EEA1: variants seen among roughly 807,000 people sequenced by gnomAD.
The protein encoded by EEA1 is early endosome antigen 1, also known as early endosome antigen 1, 162kD.
Under a neutral mutation model 209.2 loss-of-function variants are expected in EEA1, and 111 were observed. The observed-to-expected ratio is 0.53, with a 90% CI of 0.45 to 0.62. The LOEUF (loss-of-function observed/expected upper bound fraction) is 0.62. EEA1 is among the 20% of genes least tolerant of loss of function. The pLI, the probability that EEA1 is intolerant of heterozygous loss-of-function variation, is 0.00. For synonymous variants in EEA1, 536 were observed against 540.6 expected (o/e 0.99, Z 0.12); for missense variants, 1,343 against 1,530.8 (o/e 0.88, Z 2.05).
intron 21 of EEA1, 123 bp downstream of exon 21, chr12:92,798,769 A>G (rs1874764450): frequency 1.6e-6 from 1 of 624,814 alleles, no homozygotes; most frequent in Admixed American, 3.6e-5. Context: ...TATTAAACTT[A>G]GAAAAAAATT....
At chr12:92,812,611 T>C (rs1274684059) in intron 16 of EEA1, among the ~76,000 whole-genome samples, 1 of 152,134 alleles carries the variant, frequency 6.6e-6, no homozygotes, top group African/African-American at 2.4e-5. Context: ...CCAGTCTACC[T>C]ACTAAAAACA....
chr12:92,887,320 C>G (rs1879457553), intron 2 of EEA1, among the ~76,000 whole-genome samples: 1 of 144,510 alleles, frequency 6.9e-6, no homozygotes, highest in Non-Finnish European at 1.5e-5. Flanking sequence ...GATGGAGACC[C>G]CATCTCAAAA....
At chr12:92,844,696 T>A (rs1355428291) in intron 9 of EEA1, among the ~76,000 whole-genome samples, 1 of 152,090 alleles carries the variant, frequency 6.6e-6, no homozygotes, top group Non-Finnish European at 1.5e-5. Context: ...TATGTTTTAA[T>A]CATATAGCAA....
chr12:92,909,059 C>T (rs2136774548), intron 1 of EEA1, among the ~76,000 whole-genome samples: 1 of 152,316 alleles, frequency 6.6e-6, no homozygotes, highest in East Asian at 1.9e-4. Flanking sequence ...ATCTGCCTGC[C>T]TCGGCCTCCC....
At chr12:92,824,237 A>G (rs1036344504) in intron 13 of EEA1, among the ~76,000 whole-genome samples, 3 of 152,196 alleles carry the variant, frequency 2.0e-5, no homozygotes, top group Non-Finnish European at 4.4e-5. Context: ...AAGCATAACT[A>G]GAATCTGACT....
intron 2 of EEA1, among the ~76,000 whole-genome samples, chr12:92,877,704 G>A (rs1383799821): frequency 6.6e-6 from 1 of 151,862 alleles, no homozygotes; most frequent in Non-Finnish European, 1.5e-5. Flanking sequence ...GTAGAGATGG[G>A]GTTTCACCAT....
At chr12:92,929,012 T>A (rs1275317769) in intron 1 of EEA1, 31 bp downstream of exon 1, 4 of 1,581,234 alleles carry the variant, frequency 2.5e-6, no homozygotes. Flanking sequence ...CCCGCTCACG[T>A]GCTGCCAGAA....
chr12:92,875,018 T>C (rs1878821390), intron 2 of EEA1, among the ~76,000 whole-genome samples: 1 of 152,158 alleles, frequency 6.6e-6, no homozygotes, highest in Admixed American at 6.5e-5. Flanking sequence ...TTAAGTAATA[T>C]ACGATTTTTT....
At chr12:92,877,095 T>C (rs947306485) in intron 2 of EEA1, among the ~76,000 whole-genome samples, 2 of 151,124 alleles carry the variant, frequency 1.3e-5, no homozygotes, top group Non-Finnish European at 3.0e-5. Context: ...AGGCATGTGC[T>C]GTCATGTCCA....
intron 21 of EEA1, among the ~76,000 whole-genome samples, chr12:92,796,261 G>A (rs1258946550): frequency 1.3e-5 from 2 of 152,038 alleles, no homozygotes; most frequent in Admixed American, 6.6e-5. Flanking sequence ...GTGAGGGATT[G>A]TTGACTTAAC....
chr12:92,805,872 T>A (rs1460752341), intron 18 of EEA1, among the ~76,000 whole-genome samples: 1 of 152,140 alleles, frequency 6.6e-6, no homozygotes, highest in East Asian at 1.9e-4. Flanking sequence ...TCTAAACCAA[T>A]CCACCCTTAT....
chr12:92,819,559 G>T, intron 13 of EEA1, 48 bp from the exon 14 acceptor site: 1 of 1,321,312 alleles, frequency 7.6e-7, no homozygotes, highest in Non-Finnish European at 1.0e-6. Context: ...AACTTAAAAA[G>T]TTATTCCTCA....
intron 2 of EEA1, among the ~76,000 whole-genome samples, chr12:92,888,284 A>C (rs577439498): frequency 6.6e-6 from 1 of 152,354 alleles, no homozygotes; most frequent in African/African-American, 2.4e-5. Flanking sequence ...GATGTTCTAT[A>C]AAACGAATAA....
rs1565835868 is a variant in EEA1 at position 92,852,979 on chromosome 12, A to G, written c.453T>C (p.Asn151=). The change falls in exon 7 of 29, where the codon AAT becomes AAC. Residue 151 remains asparagine (N), a synonymous_variant. Coordinates refer to ENST00000322349, the MANE Select transcript of EEA1 (RefSeq NM_003566.4). ...EQQLEEAQTE[N]FNIKQMKDLF... is the part of the protein sequence containing the mutation. Reference sequence around the variant, plus strand: ...AGTCTTTCATTTGCTTAATATTAAAATTTTCTGTTTGGGCTTCTTCTAATT... The same window carrying G: ...AGTCTTTCATTTGCTTAATATTAAAGTTTTCTGTTTGGGCTTCTTCTAATT... 6.2e-7 allele frequency: 1 copy of G among 1,611,900 alleles called. No individual in the cohort carries two copies. Among genetic ancestry groups the G allele is most frequent in the Non-Finnish European group, 8.5e-7 (1 of 1,179,124 alleles).
intron 3 of EEA1, chr12:92,859,313 G>GCAA: frequency 7.3e-7 from 1 of 1,378,782 alleles, no homozygotes; most frequent in South Asian, 1.2e-5. Flanking sequence ...GTTGGCAAAG[G>GCAA]CAACAGAGAA....
intron 27 of EEA1, among the ~76,000 whole-genome samples, 188 bp from the exon 28 acceptor site, chr12:92,777,130 A>G (rs1473479084): frequency 6.6e-6 from 1 of 151,978 alleles, no homozygotes; most frequent in Non-Finnish European, 1.5e-5. Context: ...AATCTGAATG[A>G]CAAAATAAAA....
chr12:92,866,779 T>C (rs1475996464), intron 2 of EEA1, among the ~76,000 whole-genome samples: 1 of 152,168 alleles, frequency 6.6e-6, no homozygotes, highest in Non-Finnish European at 1.5e-5. Flanking sequence ...ATACAACAAA[T>C]GCAAGACTCA....
intron 2 of EEA1, chr12:92,883,844 A>G: frequency 6.2e-7 from 1 of 1,603,166 alleles, no homozygotes; most frequent in Non-Finnish European, 8.5e-7. Context: ...TTGAGCTTTA[A>G]AACAACCGAT....
intron 13 of EEA1, among the ~76,000 whole-genome samples, chr12:92,822,715 G>A (rs1876116935): frequency 6.6e-6 from 1 of 151,868 alleles, no homozygotes; most frequent in African/African-American, 2.4e-5. Context: ...TCTCTCTTCT[G>A]GCTGATCACA....
Sources: allele counts gnomAD v4.1 joint callset (sites outside exome capture counted in the v4.1 genomes callset), GRCh38; gene constraint gnomAD v4.1.1; transcripts MANE v1.5; gene names NCBI Gene and HGNC (gene_info 2026-07-23, HGNC 2026-07-21).